Variants in SH3GL3 observed in about 807,000 individuals in gnomAD.
The protein encoded by SH3GL3 is SH3 domain containing GRB2 like 3, endophilin A3.
In SH3GL3, 33 loss-of-function variants were observed where a neutral mutation model predicts 47.7. The ratio of observed to expected loss-of-function variants is 0.69; its 90% CI spans 0.52 to 0.92. The LOEUF (loss-of-function observed/expected upper bound fraction) is 0.92, where lower values mean the gene tolerates loss of function less well. SH3GL3 is among the 40% of genes least tolerant of loss of function. The pLI is 0.00. For synonymous variants in SH3GL3, 155 were observed against 148.8 expected (o/e 1.04, Z -0.30); for missense variants, 363 against 417.8 (o/e 0.87, Z 1.14).
At chr15:83,485,020 AT>A (rs2151565376) in intron 1 of SH3GL3, among the ~76,000 whole-genome samples, 1 of 152,238 alleles carries the variant, frequency 6.6e-6, no homozygotes, top group South Asian at 2.1e-4. Context: ...GGCCATCCTG[AT>A]TTGTATTCCC....
At chr15:83,467,234 A>G (rs2151521827) in intron 1 of SH3GL3, among the ~76,000 whole-genome samples, 1 of 152,338 alleles carries the variant, frequency 6.6e-6, no homozygotes, top group Non-Finnish European at 1.5e-5. Flanking sequence ...TGTGAGACTT[A>G]GGTTGTTTTC....
At chr15:83,576,505 C>T in intron 5 of SH3GL3, 78 bp from the exon 6 acceptor site, 2 of 1,348,064 alleles carry the variant, frequency 1.5e-6, no homozygotes, top group African/African-American at 1.5e-5. Context: ...AAAGCAATGA[C>T]CATTTTAATA....
chr15:83,569,015 G>A (rs2045692207), intron 4 of SH3GL3, among the ~76,000 whole-genome samples: 1 of 150,896 alleles, frequency 6.6e-6, no homozygotes, highest in Non-Finnish European at 1.5e-5. Context: ...TCGTGCCTTA[G>A]CCTCCCGAGT....
intron 1 of SH3GL3, among the ~76,000 whole-genome samples, chr15:83,507,230 G>A (rs1328801011): frequency 2.0e-5 from 3 of 151,738 alleles, no homozygotes; most frequent in South Asian, 2.1e-4. Context: ...GGATGGTCTC[G>A]ATCTCCTGAC....
intron 1 of SH3GL3, among the ~76,000 whole-genome samples, chr15:83,552,012 G>C (rs911110042): frequency 6.6e-6 from 1 of 152,040 alleles, no homozygotes; most frequent in African/African-American, 2.4e-5. Context: ...AACTTTCTTG[G>C]CACCTTCTCA....
intron 1 of SH3GL3, among the ~76,000 whole-genome samples, chr15:83,554,413 C>T (rs532081335): frequency 6.6e-6 from 1 of 152,296 alleles, no homozygotes; most frequent in East Asian, 1.9e-4. Context: ...TCTCAAACTC[C>T]TGACCTCATG....
At chr15:83,453,679 C>G (rs1333483772) in intron 1 of SH3GL3, among the ~76,000 whole-genome samples, 1 of 117,110 alleles carries the variant, frequency 8.5e-6, no homozygotes, top group Admixed American at 9.1e-5. Context: ...TTTATTGTGT[C>G]TATTTGATTC....
intron 8 of SH3GL3, among the ~76,000 whole-genome samples, chr15:83,603,873 G>A (rs1361354802): frequency 6.6e-6 from 1 of 152,308 alleles, no homozygotes. Context: ...GGTGGCTTAC[G>A]CCTGTAATCC....
chr15:83,537,726 G>A (rs574775114), intron 1 of SH3GL3, among the ~76,000 whole-genome samples: 29 of 152,130 alleles, frequency 1.9e-4, no homozygotes, highest in Middle Eastern at 3.4e-3. Flanking sequence ...TTTATCTTGG[G>A]AGCAGTTTTC....
chr15:83,553,746 C>T (rs992186124), intron 1 of SH3GL3, among the ~76,000 whole-genome samples: 1 of 152,214 alleles, frequency 6.6e-6, no homozygotes, highest in Admixed American at 6.5e-5. Context: ...GAAATATCCA[C>T]TCAACACCCT....
At chr15:83,529,141 G>A (rs2043552057) in intron 1 of SH3GL3, among the ~76,000 whole-genome samples, 1 of 152,164 alleles carries the variant, frequency 6.6e-6, no homozygotes, top group African/African-American at 2.4e-5. Context: ...GTGATGCTTT[G>A]CTGGGGATGC....
intron 1 of SH3GL3, among the ~76,000 whole-genome samples, chr15:83,557,301 G>A (rs2045013187): frequency 6.6e-6 from 1 of 152,194 alleles, no homozygotes; most frequent in Non-Finnish European, 1.5e-5. Context: ...AAATGTTTAG[G>A]AGAGTTAACT....
chr15:83,556,815 G>T (rs1293794126), intron 1 of SH3GL3, among the ~76,000 whole-genome samples: 4 of 152,216 alleles, frequency 2.6e-5, no homozygotes, highest in Non-Finnish European at 5.9e-5. Context: ...TGCTGGTGTG[G>T]TTGATCGCTG....
At chr15:83,529,596 C>G (rs561393176) in intron 1 of SH3GL3, among the ~76,000 whole-genome samples, 8 of 151,986 alleles carry the variant, frequency 5.3e-5, no homozygotes, top group Admixed American at 4.6e-4. Flanking sequence ...TGGTCCTGTC[C>G]TTAACCTTCT....
chr15:83,625,393 C>T, the SH3GL3 span, among the ~76,000 whole-genome samples: 5 of 152,180 alleles, frequency 3.3e-5, no homozygotes, highest in African/African-American at 4.8e-5. Flanking sequence ...GTCTGTCCTG[C>T]ATGTAACTTC....
chr15:83,479,035 T>C (rs577099833), intron 1 of SH3GL3, among the ~76,000 whole-genome samples: 2 of 152,302 alleles, frequency 1.3e-5, no homozygotes, highest in African/African-American at 4.8e-5. Flanking sequence ...GGTGATGACT[T>C]ATGTCTCTCA....
intron 1 of SH3GL3, among the ~76,000 whole-genome samples, chr15:83,523,629 A>G (rs2043296260): frequency 1.3e-5 from 2 of 152,286 alleles, no homozygotes; most frequent in South Asian, 2.1e-4. Flanking sequence ...TTCTGAAATC[A>G]TGGAAATTTC....
At chr15:83,501,675 T>C (rs560397819) in intron 1 of SH3GL3, among the ~76,000 whole-genome samples, 3 of 152,294 alleles carry the variant, frequency 2.0e-5, no homozygotes, top group South Asian at 4.1e-4. Flanking sequence ...GCAGATCACC[T>C]GAGGTCAGGA....
chr15:83,613,454 T>C (rs1175369823), intron 8 of SH3GL3, among the ~76,000 whole-genome samples: 1 of 152,184 alleles, frequency 6.6e-6, no homozygotes, highest in Admixed American at 6.5e-5. Context: ...AGCTTTTCCA[T>C]GATTTGTTCT....
Sources: gnomAD v4.1 joint callset for allele counts (sites outside exome capture counted in the v4.1 genomes callset) on GRCh38, gnomAD v4.1.1 for gene constraint, MANE v1.5 for transcripts, NCBI Gene and HGNC (gene_info 2026-07-23, HGNC 2026-07-21) for gene names.